The following CLHC1 variants were observed in gnomAD, a reference collection of about 807,000 sequenced individuals.
The protein encoded by CLHC1 is clathrin heavy chain linker domain-containing protein 1.
A neutral mutation model predicts 69.5 loss-of-function variants in CLHC1; 72 were observed. That is an observed-to-expected ratio of 1.04 (90% confidence interval 0.86 to 1.26). CLHC1 has a LOEUF of 1.26. CLHC1 is among the 50% of genes most tolerant of loss of function. The pLI is 0.00. For missense variants in CLHC1, 790 were observed against 679.3 expected, an observed-to-expected ratio of 1.16 and a Z score of -1.81; for synonymous variants, 223 against 224.3, an observed-to-expected ratio of 0.99 and a Z score of 0.05.
At chr2:55,204,589 A>G (rs1672259765) in intron 9 of CLHC1, among the ~76,000 whole-genome samples, 1 of 152,230 alleles carries the variant, frequency 6.6e-6, no homozygotes, top group Non-Finnish European at 1.5e-5. Context: ...TTGGGTTACC[A>G]TATGATCCAG....
chr2:55,222,883 G>GCACTCCAGCCTGGGCAT (rs1192981534), intron 2 of CLHC1, among the ~76,000 whole-genome samples: 29 of 132,950 alleles, frequency 2.2e-4, no homozygotes, highest in Middle Eastern at 5.5e-3. Context: ...TCGCGCCATT[G>GCACTCCAGCCTGGGCAT]CACTCCAGCC....
At chr2:55,179,543 C>T (rs1433594120) in intron 11 of CLHC1, among the ~76,000 whole-genome samples, 1 of 152,044 alleles carries the variant, frequency 6.6e-6, no homozygotes, top group African/African-American at 2.4e-5. Context: ...ACTCCTTTTT[C>T]CTGGAATAAT....
rs142576019 is a variant in CLHC1, at chr2:55,209,749, T to C, written c.582A>G (p.Lys194=). 102 of 1,612,282 alleles carry C rather than the reference T, an allele frequency of 6.3e-5. 1 individual carries two copies. The African/African-American group carries it at 9.3e-4, about 15-fold the overall frequency. ...GCACATATTTTATCAACATAGCTTGTTTAATTTCTGCATATTTATCTTCAA... is the reference window on the plus strand; with the variant it reads ...GCACATATTTTATCAACATAGCTTGCTTAATTTCTGCATATTTATCTTCAA... The part of the protein sequence containing the change: ...KHLEDKYAEI[K]QAMLIKYVPA... Residue 194 remains lysine, a synonymous_variant, in exon 6 of 13, where the codon AAA becomes AAG. Coordinates refer to ENST00000401408, the MANE Select transcript of CLHC1 (RefSeq NM_152385.4).
chr2:55,214,181 C>T (rs948675961), intron 4 of CLHC1, among the ~76,000 whole-genome samples: 8 of 152,154 alleles, frequency 5.3e-5, no homozygotes, highest in African/African-American at 1.9e-4. Context: ...GAATTTTTGT[C>T]AATACATAAA....
At chr2:55,223,097 G>A (rs1674315629) in intron 2 of CLHC1, among the ~76,000 whole-genome samples, 1 of 151,950 alleles carries the variant, frequency 6.6e-6, no homozygotes, top group African/African-American at 2.4e-5. Context: ...CTTTCTAATA[G>A]AAGGTTTGGT....
chr2:55,173,862 A>T lies in CLHC1; in HGVS notation c.*1928T>A, dbSNP rs1203975018. On this transcript the variant is annotated 3_prime_UTR_variant, in exon 13 of 13. Coordinates refer to ENST00000401408, the MANE Select transcript of CLHC1 (RefSeq NM_152385.4). ...ATAATGAGAAAAGGAAAAACAAGGCAAAATTAGAATAACAACAACAACCGC... is the reference window on the plus strand; with the variant it reads ...ATAATGAGAAAAGGAAAAACAAGGCTAAATTAGAATAACAACAACAACCGC... Among the ~76,000 whole-genome samples the T allele has an allele frequency of 1.3e-5, 2 of 152,200 alleles. No homozygotes were observed. Among genetic ancestry groups the T allele is most frequent in the African/African-American group, 4.8e-5 (2 of 41,434 alleles).
At chr2:55,219,202 C>A (rs1045830232) in intron 3 of CLHC1, among the ~76,000 whole-genome samples, 1 of 152,160 alleles carries the variant, frequency 6.6e-6, no homozygotes, top group Non-Finnish European at 1.5e-5. Flanking sequence ...TATGCTCCAA[C>A]AATCCAAGAC....
At position 55,230,839 on chromosome 2, in the gene CLHC1, G is replaced by A. The variant is rs547100169; in HGVS notation, c.-256+1384C>T. Reference sequence around the variant, plus strand: ...AGAGCTATCCGATCAGAATGGTGGGGACAAAAGCCTGACAGGAGTGGGTTC... The same window carrying A: ...AGAGCTATCCGATCAGAATGGTGGGAACAAAAGCCTGACAGGAGTGGGTTC... On this transcript the variant is annotated intron_variant, in intron 1 of 12. Transcript: ENST00000401408. Among the ~76,000 whole-genome samples, 22 of 152,292 alleles carry A rather than the reference G, an allele frequency of 1.4e-4. No homozygotes were observed. The South Asian group carries it at 4.6e-3, about 32-fold the overall frequency.
At chr2:55,222,565 A>AT (rs910352567) in intron 2 of CLHC1, 72 bp from the exon 3 acceptor site, 35 of 574,844 alleles carry the variant, frequency 6.1e-5, no homozygotes, top group Admixed American at 2.8e-4. Context: ...CTAAAAATGT[A>AT]TTTTTTTTAG....
chr2:55,226,681 G>A (rs889277400), intron 2 of CLHC1, among the ~76,000 whole-genome samples: 1 of 152,198 alleles, frequency 6.6e-6, no homozygotes, highest in African/African-American at 2.4e-5. Flanking sequence ...GCCCAGGCTG[G>A]AGTGCAGTGG....
intron 9 of CLHC1, among the ~76,000 whole-genome samples, chr2:55,199,448 T>G (rs1671735344): frequency 1.3e-5 from 2 of 152,114 alleles, no homozygotes; most frequent in Non-Finnish European, 1.5e-5. Flanking sequence ...ACACTGTAAT[T>G]GTGTGTAAAT....
chr2:55,188,926 T>C (rs754006504), intron 9 of CLHC1, among the ~76,000 whole-genome samples: 7 of 152,232 alleles, frequency 4.6e-5, no homozygotes, highest in African/African-American at 7.2e-5. Flanking sequence ...TACAAGGATG[T>C]GATCCAGCTG....
intron 9 of CLHC1, among the ~76,000 whole-genome samples, chr2:55,183,835 C>T (rs1461414513): frequency 6.6e-6 from 1 of 152,146 alleles, no homozygotes; most frequent in African/African-American, 2.4e-5. Flanking sequence ...GGCTGGAGTG[C>T]AATGGTGCGA....
chr2:55,210,773 C>A (rs531479379), intron 5 of CLHC1, among the ~76,000 whole-genome samples: 1 of 152,134 alleles, frequency 6.6e-6, no homozygotes, highest in Non-Finnish European at 1.5e-5. Context: ...CCTGCCAAAT[C>A]TTCAGTCCTC....
At chr2:55,178,078 A>C (rs1669575342) in intron 11 of CLHC1, among the ~76,000 whole-genome samples, 2 of 152,240 alleles carry the variant, frequency 1.3e-5, no homozygotes, top group Non-Finnish European at 2.9e-5. Flanking sequence ...GCTACTAGGA[A>C]ACCTGAATTC....
intron 5 of CLHC1, 103 bp downstream of exon 5, chr2:55,212,570 T>C (rs751231792): frequency 4.5e-6 from 4 of 893,386 alleles, no homozygotes; most frequent in Non-Finnish European, 7.1e-6. Flanking sequence ...CACACACATG[T>C]GCAAGATGCA....
At chr2:55,185,788 A>G (rs1008540090) in intron 9 of CLHC1, among the ~76,000 whole-genome samples, 1 of 152,154 alleles carries the variant, frequency 6.6e-6, no homozygotes, top group Non-Finnish European at 1.5e-5. Flanking sequence ...AGTTTAATCT[A>G]CAGTTAAAAA....
In CLHC1 at chr2:55,208,666, T is replaced by C. The variant is rs767322772; in HGVS notation, c.859A>G (p.Arg287Gly). The C allele has an allele frequency of 4.3e-6, 7 of 1,612,664 alleles. No homozygotes were observed. The highest frequency in any genetic ancestry group is 1.7e-5 in the Admixed American group (1 of 59,988). ...VEELMEDDPR[R>G]AKEAEIMLHY... ...AGCATAATTTCAGCTTCTTTTGCCC[T>C]GCGTGGATCATCTTCCATTAGTTCT... Residue 287 changes from arginine (R) to glycine (G), a missense_variant, in exon 8 of 13, where the codon AGG (arginine) becomes GGG (glycine). Arg to Gly is a moderately radical substitution (Grantham distance 125). Transcript: ENST00000401408.
intron 1 of CLHC1, among the ~76,000 whole-genome samples, chr2:55,229,342 A>G (rs1005773077): frequency 6.6e-6 from 1 of 152,114 alleles, no homozygotes; most frequent in East Asian, 1.9e-4. Context: ...ATAAGGTGAC[A>G]TTTCAGAAAT....
Sources: gnomAD v4.1 joint callset for allele counts (sites outside exome capture counted in the v4.1 genomes callset) on GRCh38, gnomAD v4.1.1 for gene constraint, MANE v1.5 for transcripts, NCBI Gene and HGNC (gene_info 2026-07-23, HGNC 2026-07-21) for gene names.